Variants in TRHDE observed in about 807,000 individuals in gnomAD.
The protein encoded by TRHDE is thyrotropin releasing hormone degrading enzyme.
Under a neutral mutation model 125.7 loss-of-function variants are expected in TRHDE, and 72 were observed. The observed-to-expected ratio is 0.57, with a 90% CI of 0.47 to 0.70. The LOEUF (loss-of-function observed/expected upper bound fraction) is 0.70, where lower values mean the gene tolerates loss of function less well. Among genes scored for constraint, TRHDE ranks in the 30% least tolerant of loss-of-function variants. The pLI is 0.00. For synonymous variants in TRHDE, 509 were observed against 509.1 expected, an observed-to-expected ratio of 1.00 and a Z score of 0.00; for missense variants, 1,110 against 1,327.1, an observed-to-expected ratio of 0.84 and a Z score of 2.54.
chr12:72,356,535 T>C (rs1189722688), intron 2 of TRHDE, among the ~76,000 whole-genome samples: 1 of 149,208 alleles, frequency 6.7e-6, no homozygotes, highest in Non-Finnish European at 1.5e-5. Flanking sequence ...GAACCTAAAA[T>C]AAAAGTTAAA....
chr12:72,582,748 C>T (rs1871290632), intron 12 of TRHDE, among the ~76,000 whole-genome samples: 2 of 151,964 alleles, frequency 1.3e-5, no homozygotes, highest in African/African-American at 4.8e-5. Context: ...TTTTGATTTC[C>T]TCACTCTATA....
intron 1 of TRHDE, among the ~76,000 whole-genome samples, chr12:72,089,618 T>A (rs1874745776): frequency 6.6e-6 from 1 of 152,200 alleles, no homozygotes; most frequent in Non-Finnish European, 1.5e-5. Context: ...AATCATACCT[T>A]CTTAATGAAG....
chr12:72,150,342 A>T (rs987241992), intron 2 of TRHDE, among the ~76,000 whole-genome samples: 6 of 152,116 alleles, frequency 3.9e-5, no homozygotes, highest in Non-Finnish European at 7.4e-5. Context: ...TTGTCCCAGC[A>T]CTGATTTGGG....
intron 5 of TRHDE, among the ~76,000 whole-genome samples, chr12:72,498,127 T>G (rs1004447342): frequency 6.6e-6 from 1 of 152,096 alleles, no homozygotes; most frequent in Non-Finnish European, 1.5e-5. Flanking sequence ...CTGAAGAAGT[T>G]AAATATATGG....
chr12:72,220,851 T>G (rs527906603), intron 2 of TRHDE, among the ~76,000 whole-genome samples: 1 of 152,170 alleles, frequency 6.6e-6, no homozygotes, highest in South Asian at 2.1e-4. Flanking sequence ...TTGATGTGGG[T>G]TTTTTTGTTG....
chr12:72,177,483 C>A (rs1349012298), intron 2 of TRHDE, among the ~76,000 whole-genome samples: 1 of 151,974 alleles, frequency 6.6e-6, no homozygotes, highest in African/African-American at 2.4e-5. Flanking sequence ...CCCAAACAAT[C>A]CAAACTACAG....
chr12:72,282,097 A>G (rs1361909563), intron 1 of TRHDE, among the ~76,000 whole-genome samples: 1 of 152,170 alleles, frequency 6.6e-6, no homozygotes, highest in Non-Finnish European at 1.5e-5. Flanking sequence ...TTGAAAGTGG[A>G]ATTTTTTATG....
chr12:72,221,562 T>C lies in TRHDE; in HGVS notation n.279+115810T>C, dbSNP rs546470293. 1.4e-4 allele frequency among the ~76,000 whole-genome samples: 21 copies of C among 152,092 alleles called. 1 individual carries two copies. The South Asian group carries it at 4.4e-3, about 32-fold the overall frequency. On this transcript the variant is annotated intron_variant and non_coding_transcript_variant, in intron 2 of 4. Transcript: ENST00000548156. ...TAGTATACAGCTATATTTAAAATAG[T>C]GTAGAAAAGGTGCAGAACTAGGGAG... is the stretch of plus-strand genomic sequence containing the variant.
chr12:72,186,792 T>A (rs1214863742), intron 2 of TRHDE, among the ~76,000 whole-genome samples: 1 of 152,036 alleles, frequency 6.6e-6, no homozygotes, highest in Non-Finnish European at 1.5e-5. Context: ...TTTTTTTTTT[T>A]AAGTCCTACT....
chr12:72,290,339 C>A (rs963697541), intron 2 of TRHDE, among the ~76,000 whole-genome samples: 2 of 152,174 alleles, frequency 1.3e-5, no homozygotes, highest in Non-Finnish European at 2.9e-5. Flanking sequence ...AGAATTATTT[C>A]TTTGCTTTGC....
intron 3 of TRHDE, among the ~76,000 whole-genome samples, chr12:72,414,219 C>G (rs558407125): frequency 6.6e-6 from 1 of 151,948 alleles, no homozygotes; most frequent in Non-Finnish European, 1.5e-5. Flanking sequence ...ATTTTAAAAT[C>G]AATACTTTAT....
intron 2 of TRHDE, among the ~76,000 whole-genome samples, chr12:72,372,777 G>C (rs1168242261): frequency 1.3e-5 from 2 of 152,150 alleles, no homozygotes; most frequent in African/African-American, 4.8e-5. Context: ...GTACCATGCT[G>C]TTTTGGTTAC....
chr12:72,669,777 A>G lies in TRHDE; in HGVS notation c.*6582A>G, dbSNP rs1875204851. 6.6e-6 allele frequency: 1 copy of G among 151,856 alleles called. No homozygotes were observed. The highest frequency in any genetic ancestry group is 2.4e-5 in the African/African-American group (1 of 41,408). 9.4% of individuals were successfully genotyped at this position (151,856 alleles called of 1,614,324 possible). A position where few individuals can be genotyped will look rare whatever the true frequency, so the allele number is the denominator to read the frequency against. On this transcript the variant is annotated 3_prime_UTR_variant, in exon 19 of 19. Coordinates refer to ENST00000261180, the MANE Select transcript of TRHDE (RefSeq NM_013381.3). ...CAAATGTTGTATTCTACCTTTCAAA[A>G]TATTGTGTAACAGCAATTCCACATT...
chr12:72,625,844 G>A (rs935859869), intron 15 of TRHDE, among the ~76,000 whole-genome samples: 3 of 151,904 alleles, frequency 2.0e-5, no homozygotes, highest in African/African-American at 7.2e-5. Flanking sequence ...CTATATATCA[G>A]TAAGATACAT....
At chr12:72,580,748 GTTTTTT>G (rs1322444618) in intron 12 of TRHDE, among the ~76,000 whole-genome samples, 1 of 152,076 alleles carries the variant, frequency 6.6e-6, no homozygotes, top group Non-Finnish European at 1.5e-5. Flanking sequence ...GCCTGTTTTT[GTTTTTT>G]GTTTGTTTGT....
chr12:72,126,735 C>T (rs537785173), intron 2 of TRHDE, among the ~76,000 whole-genome samples: 1 of 152,100 alleles, frequency 6.6e-6, no homozygotes, highest in Non-Finnish European at 1.5e-5. Flanking sequence ...AGACCTCAAA[C>T]TATAAGAATC....
chr12:72,480,948 C>T (rs1000696920), intron 5 of TRHDE, among the ~76,000 whole-genome samples: 3 of 152,030 alleles, frequency 2.0e-5, no homozygotes, highest in African/African-American at 7.2e-5. Context: ...TCTCACCACT[C>T]CTGGTAAAAA....
intron 15 of TRHDE, among the ~76,000 whole-genome samples, chr12:72,627,010 A>T (rs767133465): frequency 6.6e-6 from 1 of 151,920 alleles, no homozygotes; most frequent in Admixed American, 6.6e-5. Flanking sequence ...CTGCCACTCT[A>T]GTGCTGTAAC....
At chr12:72,427,256 G>A (rs183909678) in intron 3 of TRHDE, among the ~76,000 whole-genome samples, 22 of 152,122 alleles carry the variant, frequency 1.4e-4, no homozygotes, top group African/African-American at 3.9e-4. Flanking sequence ...TCTGATTTGC[G>A]TATGTGTGCC....
Sources: allele counts gnomAD v4.1 joint callset (sites outside exome capture counted in the v4.1 genomes callset), GRCh38; gene constraint gnomAD v4.1.1; transcripts MANE v1.5; gene names NCBI Gene and HGNC (gene_info 2026-07-23, HGNC 2026-07-21).